The following SLMAP variants were observed in gnomAD, a reference collection of about 807,000 sequenced individuals.
SLMAP encodes sarcolemmal membrane-associated protein.
Under a neutral mutation model 128.8 loss-of-function variants are expected in SLMAP, and 44 were observed. The observed-to-expected ratio is 0.34, with a 90% CI of 0.27 to 0.44. The LOEUF (loss-of-function observed/expected upper bound fraction) is 0.44. SLMAP is among the 20% of genes least tolerant of loss of function. SLMAP has a pLI of 1.00. For synonymous variants in SLMAP, 327 were observed against 348.8 expected, an observed-to-expected ratio of 0.94 and a Z score of 0.70; for missense variants, 787 against 985.3, an observed-to-expected ratio of 0.80 and a Z score of 2.69.
chr3:57,845,736 G>A (rs1299613139), intron 4 of SLMAP, among the ~76,000 whole-genome samples: 1 of 152,118 alleles, frequency 6.6e-6, no homozygotes, highest in African/African-American at 2.4e-5. Flanking sequence ...GAGAGTAATA[G>A]TAGTGATCAA....
At chr3:57,833,104 T>A (rs2093436282) in intron 3 of SLMAP, among the ~76,000 whole-genome samples, 1 of 152,248 alleles carries the variant, frequency 6.6e-6, no homozygotes, top group African/African-American at 2.4e-5. Context: ...AAGGAATGTC[T>A]GTCTTCTTGG....
At chr3:57,820,854 C>T (rs1489423122) in intron 2 of SLMAP, among the ~76,000 whole-genome samples, 3 of 152,150 alleles carry the variant, frequency 2.0e-5, no homozygotes, top group African/African-American at 7.2e-5. Flanking sequence ...CAGTCTCACT[C>T]CTGCCCCTAC....
In SLMAP at chr3:57,912,503, G is replaced by A; in HGVS notation, c.1822G>A (p.Ala608Thr). 1.2e-6 allele frequency: 2 copies of A among 1,614,176 alleles called. No homozygotes were observed. Among genetic ancestry groups the A allele is most frequent in the Non-Finnish European group, 1.7e-6 (2 of 1,180,022 alleles). ...RDEILLLHQA[A>T]AKVASERDTD... ...TGAAATTTTGCTCCTTCATCAAGCA[G>A]CAGCAAAGGTTGCCTCTGAGCGGGA... The change falls in exon 20 of 25, where the codon GCA (alanine) becomes ACA (threonine). Residue 608 changes from alanine to threonine, a missense_variant. By Grantham distance (58) the Ala-to-Thr change is moderately conservative (BLOSUM62 0). Transcript: ENST00000671191.
At chr3:57,808,803 G>C (rs985184973) in intron 2 of SLMAP, among the ~76,000 whole-genome samples, 7 of 152,180 alleles carry the variant, frequency 4.6e-5, no homozygotes, top group African/African-American at 1.4e-4. Context: ...CTCAAGTCTT[G>C]AATATCCTTG....
chr3:57,845,238 G>A (rs2094185807), intron 4 of SLMAP, among the ~76,000 whole-genome samples: 3 of 152,196 alleles, frequency 2.0e-5, no homozygotes, highest in Admixed American at 2.0e-4. Context: ...ATGGGCTTTG[G>A]GCATATACAG....
chr3:57,872,000 A>G (rs1225932553), intron 14 of SLMAP, among the ~76,000 whole-genome samples: 1 of 152,210 alleles, frequency 6.6e-6, no homozygotes, highest in South Asian at 2.1e-4. Flanking sequence ...AGCCAGAAAA[A>G]TAATTATTTA....
chr3:57,810,803 T>C (rs1576866766), intron 2 of SLMAP, among the ~76,000 whole-genome samples: 1 of 152,194 alleles, frequency 6.6e-6, no homozygotes, highest in East Asian at 1.9e-4. Flanking sequence ...CCAGGACATA[T>C]CACTTTCTCT....
At chr3:57,793,010 G>A (rs980590426) in intron 2 of SLMAP, among the ~76,000 whole-genome samples, 23 of 152,068 alleles carry the variant, frequency 1.5e-4, no homozygotes, top group Admixed American at 1.0e-3. Context: ...GTTGTGGTGC[G>A]CACCTGTGGT....
chr3:57,906,291 A>G (rs1040651836), intron 17 of SLMAP, among the ~76,000 whole-genome samples: 2 of 89,386 alleles, frequency 2.2e-5, no homozygotes, highest in African/African-American at 8.1e-5. Context: ...CCCAGAATCA[A>G]ATTTTTTTCT....
intron 14 of SLMAP, among the ~76,000 whole-genome samples, chr3:57,875,087 A>C (rs897634671): frequency 1.3e-5 from 2 of 152,220 alleles, no homozygotes; most frequent in Admixed American, 1.3e-4. Context: ...AAATCCCTTC[A>C]GTGGGAATGT....
At chr3:57,826,575 C>G (rs1416054773) in intron 2 of SLMAP, among the ~76,000 whole-genome samples, 3 of 152,158 alleles carry the variant, frequency 2.0e-5, no homozygotes, top group Admixed American at 6.5e-5. Context: ...CTTTCCTTGT[C>G]TCTATTGTCC....
rs1187561974 is a variant in SLMAP, at chr3:57,756,660, G to A, written c.-992G>A. 6.6e-6 allele frequency: 1 copy of A among 152,304 alleles called. No individual in the cohort carries two copies. The highest frequency in any genetic ancestry group is 2.4e-5 in the African/African-American group (1 of 41,444). 9.4% of individuals were successfully genotyped at this position (152,304 alleles called of 1,614,324 possible). A position where few individuals can be genotyped will look rare whatever the true frequency, so the allele number is the denominator to read the frequency against. Reference sequence around the variant, plus strand: ...GCCTCAAGGCCTCTCCCCAACCTCCGGGCCAGTCTCCCTCCCCCACCTTCT... The same window carrying A: ...GCCTCAAGGCCTCTCCCCAACCTCCAGGCCAGTCTCCCTCCCCCACCTTCT... On this transcript the variant is annotated 5_prime_UTR_variant, in exon 2 of 25. Transcript: ENST00000671191.
At chr3:57,803,715 A>G (rs2089151442) in intron 2 of SLMAP, among the ~76,000 whole-genome samples, 2 of 152,174 alleles carry the variant, frequency 1.3e-5, no homozygotes, top group African/African-American at 2.4e-5. Flanking sequence ...CACAAATCCA[A>G]CATGGGTTTT....
At chr3:57,781,234 A>G (rs1192321976) in intron 2 of SLMAP, among the ~76,000 whole-genome samples, 7 of 152,014 alleles carry the variant, frequency 4.6e-5, no homozygotes, top group Non-Finnish European at 1.0e-4. Context: ...AGGACTAAAA[A>G]TATTAGATAA....
chr3:57,860,978 AC>A (rs2095027434), intron 9 of SLMAP, 139 bp downstream of exon 9: 2 of 687,022 alleles, frequency 2.9e-6, no homozygotes, highest in South Asian at 2.3e-5. Flanking sequence ...AGGAACAGTT[AC>A]GCTGCTTTCA....
At position 57,771,220 on chromosome 3, in the gene SLMAP, TGAGAGAGAGA is replaced by T. The variant is rs377559257; in HGVS notation, c.198+13385_198+13394del. ...TCTCTTTCTCCTCCTCCTCCTCCTTTGAGAGAGAGAGAGAGAGAGAGAGGGAGAGAGACTT... is the reference window on the plus strand; with the variant it reads ...TCTCTTTCTCCTCCTCCTCCTCCTTTGAGAGAGAGAGAGGGAGAGAGACTT... On this transcript the variant is annotated intron_variant, in intron 2 of 24. Coordinates refer to ENST00000671191, the MANE Select transcript of SLMAP (RefSeq NM_001377540.1). Among the ~76,000 whole-genome samples the T allele has an allele frequency of 7.9e-4, 107 of 135,764 alleles. 1 individual carries two copies. Among genetic ancestry groups the T allele is most frequent in the African/African-American group, 2.4e-3 (88 of 36,390 alleles). The allele number at this position is 135,764 out of a possible 152,430, so 89.1% of individuals were successfully genotyped here. A position where few individuals can be genotyped will look rare whatever the true frequency, so the allele number is the denominator to read the frequency against.
intron 2 of SLMAP, among the ~76,000 whole-genome samples, chr3:57,759,137 T>A (rs773667735): frequency 2.0e-5 from 3 of 152,140 alleles, no homozygotes; most frequent in Non-Finnish European, 4.4e-5. Context: ...ATCTATACTT[T>A]ACGTGTAGGA....
chr3:57,803,008 G>T (rs1425862935), intron 2 of SLMAP, among the ~76,000 whole-genome samples: 1 of 152,164 alleles, frequency 6.6e-6, no homozygotes, highest in African/African-American at 2.4e-5. Context: ...TGCAGTGATT[G>T]GAGCAGGTAA....
At chr3:57,855,974 C>T (rs1282754768) in intron 6 of SLMAP, among the ~76,000 whole-genome samples, 2 of 151,596 alleles carry the variant, frequency 1.3e-5, no homozygotes, top group African/African-American at 2.4e-5. Context: ...ACCCAAGAGG[C>T]GGAGGTTGCA....
Sources: gnomAD v4.1 joint callset for allele counts (sites outside exome capture counted in the v4.1 genomes callset) on GRCh38, gnomAD v4.1.1 for gene constraint, MANE v1.5 for transcripts, NCBI Gene and HGNC (gene_info 2026-07-23, HGNC 2026-07-21) for gene names.